The following NELL1 variants were observed in gnomAD, a reference collection of about 807,000 sequenced individuals.
The protein encoded by NELL1 is protein kinase C-binding protein NELL1.
A neutral mutation model predicts 107.4 loss-of-function variants in NELL1; 76 were observed. The ratio of observed to expected loss-of-function variants is 0.71; its 90% confidence interval spans 0.59 to 0.86. The LOEUF is 0.86. Among genes scored for constraint, NELL1 ranks in the 40% least tolerant of loss-of-function variants. The pLI, the probability that NELL1 is intolerant of heterozygous loss-of-function variation, is 0.00. For synonymous variants in NELL1, 353 were observed against 341.2 expected (o/e 1.03, Z -0.38); for missense variants, 1,024 against 1,005.5 (o/e 1.02, Z -0.25).
intron 2 of NELL1, among the ~76,000 whole-genome samples, chr11:20,701,569 A>G (rs1439057180): frequency 2.0e-5 from 3 of 152,172 alleles, no homozygotes; most frequent in Non-Finnish European, 4.4e-5. Flanking sequence ...TGTTTTAGAC[A>G]TGAAGTCCTT....
At chr11:20,924,015 G>T (rs1287782694) in intron 7 of NELL1, among the ~76,000 whole-genome samples, 1 of 152,146 alleles carries the variant, frequency 6.6e-6, no homozygotes, top group Non-Finnish European at 1.5e-5. Context: ...TAAATGATTT[G>T]GTCCATGGTT....
chr11:20,851,968 A>G (rs1848802417), intron 4 of NELL1, among the ~76,000 whole-genome samples: 1 of 152,200 alleles, frequency 6.6e-6, no homozygotes, highest in Admixed American at 6.5e-5. Context: ...AACTCCCAGC[A>G]TCTTGGTCCT....
At chr11:21,427,893 A>G (rs1429935283) in intron 15 of NELL1, among the ~76,000 whole-genome samples, 1 of 152,180 alleles carries the variant, frequency 6.6e-6, no homozygotes, top group African/African-American at 2.4e-5. Context: ...AAGCCACTGC[A>G]ACTTCCCAGT....
chr11:20,757,452 A>G lies in NELL1; in HGVS notation c.185-26228A>G, dbSNP rs544620101. Among the ~76,000 whole-genome samples, 29 of 152,344 alleles carry G rather than the reference A, an allele frequency of 1.9e-4. No individual in the cohort carries two copies. In the South Asian group the frequency reaches 5.6e-3, roughly 29 times the overall value. On this transcript the variant is annotated intron_variant, in intron 2 of 19. Transcript: ENST00000357134. ...ACAGCCTTTCAAATTTCTATTAGCCAGCTTTAGCTGGACTCTTATTATCTT... is the reference window on the plus strand; with the variant it reads ...ACAGCCTTTCAAATTTCTATTAGCCGGCTTTAGCTGGACTCTTATTATCTT...
chr11:21,145,086 A>G (rs889867514), intron 13 of NELL1, among the ~76,000 whole-genome samples: 1 of 152,200 alleles, frequency 6.6e-6, no homozygotes, highest in African/African-American at 2.4e-5. Flanking sequence ...GAAAAATGCC[A>G]GGTACATAGT....
intron 15 of NELL1, among the ~76,000 whole-genome samples, chr11:21,504,597 A>G (rs1855234276): frequency 6.6e-6 from 1 of 152,148 alleles, no homozygotes; most frequent in South Asian, 2.1e-4. Flanking sequence ...GGCTTTGGGA[A>G]ACTTGGTTTT....
intron 17 of NELL1, among the ~76,000 whole-genome samples, chr11:21,568,733 A>C (rs1289109906): frequency 6.6e-6 from 1 of 151,694 alleles, no homozygotes; most frequent in African/African-American, 2.4e-5. Context: ...TTTCACCTCC[A>C]TATTTTCCTC....
At position 20,927,338 on chromosome 11, in the gene NELL1, T is replaced by C. The variant is rs1253458562; in HGVS notation, c.790T>C (p.Leu264=). ...LNYAETRLSQ[L]ENCHCEKTCQ... ...TTATGCAGAGACAAGACTTAGTCAA[T>C]TGGAAAACTGTCATTGTGAGAAGAC... Residue 264 remains leucine (L), a synonymous_variant, in exon 8 of 20, where the codon TTG becomes CTG. Transcript: ENST00000357134. The C allele has an allele frequency of 6.2e-7, 1 of 1,612,564 alleles. No individual in the cohort carries two copies. The highest frequency in any genetic ancestry group is 1.1e-5 in the South Asian group (1 of 90,588).
At chr11:21,455,933 T>C (rs1853718554) in intron 15 of NELL1, among the ~76,000 whole-genome samples, 1 of 151,416 alleles carries the variant, frequency 6.6e-6, no homozygotes, top group Non-Finnish European at 1.5e-5. Flanking sequence ...TTGTCGCCCA[T>C]GCTGGAGTGC....
intron 5 of NELL1, among the ~76,000 whole-genome samples, chr11:20,914,578 G>C (rs1326105472): frequency 6.6e-6 from 1 of 152,046 alleles, no homozygotes; most frequent in African/African-American, 2.4e-5. Flanking sequence ...GTAAATGCTG[G>C]AGAGGTTTAA....
chr11:20,815,506 G>A (rs1189123815), intron 3 of NELL1, among the ~76,000 whole-genome samples: 1 of 152,110 alleles, frequency 6.6e-6, no homozygotes, highest in Non-Finnish European at 1.5e-5. Context: ...CTTAAATGGG[G>A]TTGTTTTTGG....
At chr11:21,307,560 G>A (rs992702728) in intron 14 of NELL1, among the ~76,000 whole-genome samples, 5 of 151,888 alleles carry the variant, frequency 3.3e-5, no homozygotes, top group Admixed American at 1.3e-4. Context: ...GCCAAGCATG[G>A]TTTCTTTCTG....
intron 12 of NELL1, among the ~76,000 whole-genome samples, chr11:21,051,356 G>C (rs1853488149): frequency 6.6e-6 from 1 of 152,086 alleles, no homozygotes; most frequent in South Asian, 2.1e-4. Flanking sequence ...GGCATAAGAA[G>C]TATACAATGG....
intron 9 of NELL1, among the ~76,000 whole-genome samples, chr11:20,935,236 G>A (rs1850698983): frequency 6.6e-6 from 1 of 152,066 alleles, no homozygotes; most frequent in African/African-American, 2.4e-5. Context: ...TATTCTGTTG[G>A]GATTAGGTTC....
At chr11:21,165,852 T>C (rs1375343145) in intron 13 of NELL1, among the ~76,000 whole-genome samples, 1 of 144,850 alleles carries the variant, frequency 6.9e-6, no homozygotes, top group Non-Finnish European at 1.5e-5. Flanking sequence ...AACCTCTGCC[T>C]CCTGGGTTCA....
chr11:21,564,881 C>T (rs1165942831), intron 17 of NELL1, among the ~76,000 whole-genome samples: 1 of 151,862 alleles, frequency 6.6e-6, no homozygotes, highest in Non-Finnish European at 1.5e-5. Context: ...TAAACCTATT[C>T]CCAGAAACTG....
At position 21,124,704 on chromosome 11, in the gene NELL1, C is replaced by T. The variant is rs138054302; in HGVS notation, c.1426+10990C>T. On this transcript the variant is annotated intron_variant, in intron 13 of 19. Coordinates refer to ENST00000357134, the MANE Select transcript of NELL1 (RefSeq NM_006157.5). Reference sequence around the variant, plus strand: ...GCAACCTCCACCTTCCGGGTTCAAGCGATTCTCCTGCCTCAGCCTCCCAAG... The same window carrying T: ...GCAACCTCCACCTTCCGGGTTCAAGTGATTCTCCTGCCTCAGCCTCCCAAG... Among the ~76,000 whole-genome samples the T allele has an allele frequency of 9.8e-4, 149 of 151,652 alleles. 1 individual carries two copies. Among genetic ancestry groups the T allele is most frequent in the Middle Eastern group, 3.4e-3 (1 of 294 alleles).
chr11:21,309,285 T>TATATATATATATATGTATATATATATA, intron 14 of NELL1, among the ~76,000 whole-genome samples: 1 of 68,112 alleles, frequency 1.5e-5, no homozygotes, highest in African/African-American at 7.9e-5. Flanking sequence ...TATATGTATA[T>TATATATATATATATGTATATATATATA]ATATATATAT....
intron 12 of NELL1, among the ~76,000 whole-genome samples, chr11:21,056,884 G>C (rs1197428694): frequency 2.0e-5 from 3 of 152,078 alleles, no homozygotes; most frequent in East Asian, 1.9e-4. Context: ...CAGGGAGTAA[G>C]TGGCAGAAAT....
Sources: allele counts gnomAD v4.1 joint callset (sites outside exome capture counted in the v4.1 genomes callset), GRCh38; gene constraint gnomAD v4.1.1; transcripts MANE v1.5; gene names NCBI Gene and HGNC (gene_info 2026-07-23, HGNC 2026-07-21).